The following LPP variants were observed in gnomAD, a reference collection of about 807,000 sequenced individuals.
LPP encodes the protein LIM domain containing preferred translocation partner in lipoma.
In LPP, 38 loss-of-function variants were observed where a neutral mutation model predicts 60.4. The observed-to-expected ratio is 0.63, with a 90% CI of 0.49 to 0.83. The LOEUF (loss-of-function observed/expected upper bound fraction) is 0.83, where lower values mean the gene tolerates loss of function less well. Ranked by LOEUF, LPP falls within the 40% of genes least tolerant of loss-of-function variation. The pLI, the probability that LPP is intolerant of heterozygous loss-of-function variation, is 0.00. For missense variants in LPP, 902 were observed against 783.6 expected, an observed-to-expected ratio of 1.15 and a Z score of -1.80; for synonymous variants, 328 against 290.8, an observed-to-expected ratio of 1.13 and a Z score of -1.30.
In LPP at chr3:188,876,877, C is replaced by T. The variant is rs1406545079; in HGVS notation, c.*2398C>T. 5.5e-6 allele frequency: 1 copy of T among 183,008 alleles called. No individual in the cohort carries two copies. The highest frequency in any genetic ancestry group is 1.2e-5 in the Non-Finnish European group (1 of 85,830). 11.3% of individuals were successfully genotyped at this position (183,008 alleles called of 1,614,324 possible). ...GAAAAGCTGTAAGAAAATGCTGTCACAGACCCATCCCTGTGGCATCGTCAG... is the reference window on the plus strand; with the variant it reads ...GAAAAGCTGTAAGAAAATGCTGTCATAGACCCATCCCTGTGGCATCGTCAG... On this transcript the variant is annotated 3_prime_UTR_variant, in exon 12 of 12. Transcript: ENST00000617246.
chr3:188,761,411 C>G (rs1193533207), intron 9 of LPP, among the ~76,000 whole-genome samples: 1 of 152,124 alleles, frequency 6.6e-6, no homozygotes, highest in East Asian at 1.9e-4. Flanking sequence ...GTCTTAGGTT[C>G]AATTTTATTT....
rs534520957 is a variant in LPP at position 188,641,525 on chromosome 3, C to T, written c.1113+31681C>T. The stretch of plus-strand genomic sequence containing the variant: ...TATGTTCAGCACAGTAATAAGGCTC[C>T]TAATACCAAAGGAAAAACAAGTCAG... On this transcript the variant is annotated intron_variant, in intron 7 of 11. Coordinates refer to ENST00000617246, the MANE Select transcript of LPP (RefSeq NM_001375462.1). 8.5e-5 allele frequency among the ~76,000 whole-genome samples: 13 copies of T among 152,196 alleles called. No individual in the cohort carries two copies. The East Asian group carries it at 2.5e-3, about 29-fold the overall frequency.
intron 1 of LPP, among the ~76,000 whole-genome samples, chr3:188,184,581 G>C (rs1035453670): frequency 6.6e-6 from 1 of 152,056 alleles, no homozygotes; most frequent in African/African-American, 2.4e-5. Context: ...ACTGAGCTGT[G>C]TGGTGGGAAA....
At chr3:188,424,958 C>T (rs968285746) in intron 4 of LPP, among the ~76,000 whole-genome samples, 1 of 152,166 alleles carries the variant, frequency 6.6e-6, no homozygotes. Flanking sequence ...CCTGATTGCC[C>T]TGACCAGAAC....
In LPP at chr3:188,889,778, T is replaced by C; in HGVS notation, c.*15299T>C. ...ACCACCCTGCTCTAGTCATCATCATTGGATGAATCCAGTTGACTCTTTGGC... is the reference window on the plus strand; with the variant it reads ...ACCACCCTGCTCTAGTCATCATCATCGGATGAATCCAGTTGACTCTTTGGC... On this transcript the variant is annotated 3_prime_UTR_variant, in exon 12 of 12. Transcript: ENST00000617246. The C allele has an allele frequency of 4.6e-6, 1 of 217,592 alleles. No homozygotes were observed. Among genetic ancestry groups the C allele is most frequent in the Non-Finnish European group, 9.2e-6 (1 of 108,152 alleles). The allele number at this position is 217,592 out of a possible 1,614,324, so 13.5% of individuals were successfully genotyped here. A position where few individuals can be genotyped will look rare whatever the true frequency, so the allele number is the denominator to read the frequency against.
intron 7 of LPP, among the ~76,000 whole-genome samples, chr3:188,617,546 C>T (rs548212792): frequency 1.3e-5 from 2 of 152,258 alleles, no homozygotes; most frequent in South Asian, 2.1e-4. Flanking sequence ...CACAGCTGCT[C>T]CTGTGAAAAC....
Position 188,293,541 on chromosome 3 carries a change from C to T in LPP, c.-66-48122C>T, listed in dbSNP as rs74519173. Among the ~76,000 whole-genome samples, 900 of 152,228 alleles carry T rather than the reference C, an allele frequency of 5.9e-3. 4 individuals are homozygous for T. Among genetic ancestry groups the T allele is most frequent in the Non-Finnish European group, 0.011 (727 of 68,014 alleles). On this transcript the variant is annotated intron_variant, in intron 2 of 11. Coordinates refer to ENST00000617246, the MANE Select transcript of LPP (RefSeq NM_001375462.1). The stretch of plus-strand genomic sequence containing the variant: ...AATTGGACAGTCATGAGTGGATCAT[C>T]GAAGGGATAAGCAAAATATATGTCA...
chr3:188,610,744 G>A lies in LPP; in HGVS notation c.1113+900G>A, dbSNP rs761790653. Among the ~76,000 whole-genome samples the A allele has an allele frequency of 1.2e-4, 18 of 152,116 alleles. No individual in the cohort carries two copies. In the South Asian group the frequency reaches 1.4e-3, roughly 12 times the overall value. The stretch of plus-strand genomic sequence containing the variant: ...TTTTCATTAGTACTGGAACCAACAC[G>A]ATGTTGATTCCTCCCATTATGACTA... On this transcript the variant is annotated intron_variant, in intron 7 of 11. Transcript: ENST00000617246. This position sits in a 1 kb window ranked among gnomAD's most constrained non-coding sequence, Gnocchi z 4.4.
In LPP at chr3:188,269,310, T is replaced by C. The variant is rs535374929; in HGVS notation, c.-67+43783T>C. Reference sequence around the variant, plus strand: ...TGTGTGCCATTGGGCAAGTTGTTTCTATTTCTGGGGTATTGATTTCCCCGT... The same window carrying C: ...TGTGTGCCATTGGGCAAGTTGTTTCCATTTCTGGGGTATTGATTTCCCCGT... On this transcript the variant is annotated intron_variant, in intron 2 of 11. Coordinates refer to ENST00000617246, the MANE Select transcript of LPP (RefSeq NM_001375462.1). 2.0e-5 allele frequency among the ~76,000 whole-genome samples: 3 copies of C among 151,698 alleles called. No homozygotes were observed. The East Asian group carries it at 5.8e-4, about 29-fold the overall frequency.
At chr3:188,328,174 T>C (rs928161100) in intron 2 of LPP, among the ~76,000 whole-genome samples, 1 of 152,178 alleles carries the variant, frequency 6.6e-6, no homozygotes, top group African/African-American at 2.4e-5. Context: ...TAGTTTCTTA[T>C]AGGTTAGTTT....
intron 9 of LPP, among the ~76,000 whole-genome samples, chr3:188,822,217 G>C (rs1231103802): frequency 6.6e-6 from 1 of 151,946 alleles, no homozygotes; most frequent in African/African-American, 2.4e-5. Flanking sequence ...AAATGATGAC[G>C]GGGCTCTTTG....
chr3:188,771,549 C>CAAAAAAAAAA (rs66712771), intron 9 of LPP, among the ~76,000 whole-genome samples: 4 of 108,900 alleles, frequency 3.7e-5, no homozygotes, highest in Admixed American at 1.1e-4. Flanking sequence ...GACTCCATCT[C>CAAAAAAAAAA]AAAAAAAAAA....
At chr3:188,467,187 A>G (rs1055526698) in intron 4 of LPP, among the ~76,000 whole-genome samples, 2 of 152,024 alleles carry the variant, frequency 1.3e-5, no homozygotes, top group Non-Finnish European at 2.9e-5. Context: ...AAATTCCTCA[A>G]TCTAATATTA....
At chr3:188,718,875 G>C (rs1715186432) in intron 8 of LPP, among the ~76,000 whole-genome samples, 1 of 152,150 alleles carries the variant, frequency 6.6e-6, no homozygotes, top group Non-Finnish European at 1.5e-5. Flanking sequence ...AATCTTAAGA[G>C]ACTAGGAAAA....
chr3:188,240,839 C>G (rs1042630622), intron 2 of LPP, among the ~76,000 whole-genome samples: 1 of 152,064 alleles, frequency 6.6e-6, no homozygotes, highest in East Asian at 1.9e-4. Context: ...CAGAGACACT[C>G]TTAGTGAATG....
intron 1 of LPP, among the ~76,000 whole-genome samples, chr3:188,201,327 T>C (rs344940): frequency 0.013 from 1,927 of 152,264 alleles, 27 homozygotes; most frequent in African/African-American, 0.044. Flanking sequence ...TTATTCTGAC[T>C]GGGCTGAGAA....
At chr3:188,718,040 C>T (rs761799507) in intron 8 of LPP, among the ~76,000 whole-genome samples, 7 of 152,110 alleles carry the variant, frequency 4.6e-5, no homozygotes, top group Non-Finnish European at 1.0e-4. Context: ...AGGCTGATCT[C>T]GAACTCCCGA....
In LPP at chr3:188,322,307, C is replaced by T. The variant is rs150215763; in HGVS notation, c.-66-19356C>T. Among the ~76,000 whole-genome samples the T allele has an allele frequency of 1.1e-3, 170 of 152,310 alleles. 2 individuals are homozygous for T. The highest frequency in any genetic ancestry group is 1.8e-4 in the Non-Finnish European group (12 of 68,038). The stretch of plus-strand genomic sequence containing the variant: ...TGTGAACATATGACTTATAGGCCCT[C>T]AGGCTTCCACTGTGTCCCTTTCCCT... On this transcript the variant is annotated intron_variant, in intron 2 of 11. Transcript: ENST00000617246.
At chr3:188,822,174 C>T (rs1282662262) in intron 9 of LPP, among the ~76,000 whole-genome samples, 1 of 152,100 alleles carries the variant, frequency 6.6e-6, no homozygotes, top group African/African-American at 2.4e-5. Flanking sequence ...GGTCCACTTC[C>T]TCTTCTGATA....
Sources: gnomAD v4.1 joint callset for allele counts (sites outside exome capture counted in the v4.1 genomes callset) on GRCh38, gnomAD v4.1.1 for gene constraint, Gnocchi (gnomAD v3.1) non-coding constraint, MANE v1.5 for transcripts, NCBI Gene and HGNC (gene_info 2026-07-23, HGNC 2026-07-21) for gene names.